B4GALNT2: variants seen among roughly 807,000 people sequenced by gnomAD.
B4GALNT2 encodes the protein beta-1,4-N-acetyl-galactosaminyltransferase 2 (SID blood group).
B4GALNT2 carries 42 observed loss-of-function variants against 51.1 expected under a neutral mutation model. That is an observed-to-expected ratio of 0.82 (90% CI 0.64 to 1.06). The LOEUF (loss-of-function observed/expected upper bound fraction) is 1.06. Ranked by LOEUF, B4GALNT2 falls within the 50% of genes least tolerant of loss-of-function variation. The pLI, the probability that B4GALNT2 is intolerant of heterozygous loss-of-function variation, is 0.00. For missense variants in B4GALNT2, 602 were observed against 633.6 expected (o/e 0.95, Z 0.54); for synonymous variants, 253 against 251.7 (o/e 1.01, Z -0.05).
At chr17:49,166,040 A>T in intron 8 of B4GALNT2, 74 bp from the exon 9 acceptor site, 1 of 1,512,346 alleles carries the variant, frequency 6.6e-7, no homozygotes, top group Non-Finnish European at 9.0e-7. Context: ...GGCTGTTGGG[A>T]ATTTAGAAAG....
Position 49,166,111 on chromosome 17 carries a change from C to A in B4GALNT2, c.955-3C>A. ...CACTCCTTTAACCTCATTTCATCTA[C>A]AGGGTTGGTTTGCTGGTAGGAACCT... On this transcript the variant is annotated splice_polypyrimidine_tract_variant and splice_region_variant and intron_variant, in intron 8 of 10. Transcript: ENST00000393354. The A allele has an allele frequency of 6.2e-7, 1 of 1,613,562 alleles. No individual in the cohort carries two copies. Among genetic ancestry groups the A allele is most frequent in the Non-Finnish European group, 8.5e-7 (1 of 1,179,688 alleles).
chr17:49,174,594 AT>A lies in B4GALNT2; in HGVS notation c.*4872del, dbSNP rs534947325. 3.8e-4 allele frequency: 58 copies of A among 152,224 alleles called. No individual in the cohort carries two copies. The highest frequency in any genetic ancestry group is 1.2e-3 in the African/African-American group (49 of 41,540). The allele number at this position is 152,224 out of a possible 1,614,324, so 9.4% of individuals were successfully genotyped here. On this transcript the variant is annotated 3_prime_UTR_variant, in exon 11 of 11. Coordinates refer to ENST00000393354, the MANE Select transcript of B4GALNT2 (RefSeq NM_001159387.2). ...TCAGTTAACAGTCTCCATGTACCTG[AT>A]TTTTTCTTAATTATAAAAACTGGAG...
Position 49,142,173 on chromosome 17 carries a change from G to T in B4GALNT2, c.353+1G>T. The T allele has an allele frequency of 6.2e-7, 1 of 1,614,010 alleles. No homozygotes were observed. The highest frequency in any genetic ancestry group is 8.5e-7 in the Non-Finnish European group (1 of 1,180,004). On this transcript the variant is annotated splice_donor_variant, in intron 3 of 10. Coordinates refer to ENST00000393354, the MANE Select transcript of B4GALNT2 (RefSeq NM_001159387.2). LOFTEE classifies it high-confidence loss of function. ...CTGAATTTGAACACTTTCAGAGGAGGTAATGCGGGTCATGAAGGCCCTTGG... is the reference window on the plus strand; with the variant it reads ...CTGAATTTGAACACTTTCAGAGGAGTTAATGCGGGTCATGAAGGCCCTTGG...
At chr17:49,164,300 C>T (rs773022956) in intron 8 of B4GALNT2, 25 bp downstream of exon 8, 14 of 1,589,778 alleles carry the variant, frequency 8.8e-6, no homozygotes, top group Non-Finnish European at 1.2e-5. Context: ...GATTGGGTGG[C>T]ACCTGCATTC....
At chr17:49,143,833 C>G (rs563031645) in intron 3 of B4GALNT2, among the ~76,000 whole-genome samples, 46 of 132,376 alleles carry the variant, frequency 3.5e-4, no homozygotes, top group Non-Finnish European at 5.9e-4. Context: ...GCTGAGGTCT[C>G]TCTTCCTCTT....
chr17:49,135,504 C>T (rs901960818), intron 1 of B4GALNT2, among the ~76,000 whole-genome samples: 7 of 151,986 alleles, frequency 4.6e-5, no homozygotes, highest in Non-Finnish European at 8.8e-5. Context: ...ATGATCCACC[C>T]GCCTCGGCCT....
chr17:49,142,678 T>A (rs1050774185), intron 3 of B4GALNT2, among the ~76,000 whole-genome samples: 3 of 151,404 alleles, frequency 2.0e-5, no homozygotes. Context: ...GGCAACAGAT[T>A]GAAACTGTGT....
At chr17:49,121,732 G>T in the B4GALNT2 span, among the ~76,000 whole-genome samples, 1 of 152,170 alleles carries the variant, frequency 6.6e-6, no homozygotes, top group Non-Finnish European at 1.5e-5. Flanking sequence ...CAGTGAAAAA[G>T]CCTGGGGTCA....
chr17:49,148,527 A>G (rs2042719359), intron 3 of B4GALNT2: 2 of 361,498 alleles, frequency 5.5e-6, no homozygotes, highest in Non-Finnish European at 1.1e-5. Flanking sequence ...GCTGTGGCAT[A>G]AGGTGGCAAG....
chr17:49,166,331 T>C, intron 9 of B4GALNT2, 77 bp downstream of exon 9: 3 of 665,852 alleles, frequency 4.5e-6, no homozygotes, highest in Non-Finnish European at 5.8e-6. Flanking sequence ...CGGGAAGAAA[T>C]ATATAAGAGA....
At chr17:49,151,884 G>A (rs1043173533) in intron 3 of B4GALNT2, among the ~76,000 whole-genome samples, 3 of 152,060 alleles carry the variant, frequency 2.0e-5, no homozygotes, top group Non-Finnish European at 4.4e-5. Context: ...TCAGCGGTAG[G>A]AGAAGTTCCA....
At chr17:49,132,887 A>C in intron 1 of B4GALNT2, 81 bp downstream of exon 1, 2 of 1,376,094 alleles carry the variant, frequency 1.5e-6, no homozygotes, top group East Asian at 3.1e-5. Context: ...TGGCGTCTGC[A>C]GAGCGGGCAG....
At chr17:49,130,823 A>T (rs1004402966), upstream of B4GALNT2, among the ~76,000 whole-genome samples, 1 of 152,150 alleles carries the variant, frequency 6.6e-6, no homozygotes, top group Non-Finnish European at 1.5e-5. Context: ...ATAGAGATCT[A>T]CCTGCCTTGT....
At chr17:49,133,560 A>T (rs916014099) in intron 1 of B4GALNT2, among the ~76,000 whole-genome samples, 1 of 152,214 alleles carries the variant, frequency 6.6e-6, no homozygotes, top group Non-Finnish European at 1.5e-5. Flanking sequence ...ATTGACAAAG[A>T]AGTCATCTCA....
At chr17:49,120,425 G>GTTTT in the B4GALNT2 span, among the ~76,000 whole-genome samples, 1 of 152,084 alleles carries the variant, frequency 6.6e-6, no homozygotes, top group African/African-American at 2.4e-5. Flanking sequence ...AGGCGGAAGG[G>GTTTT]TAAAAGAGAA....
chr17:49,133,433 A>G (rs1258492600), intron 1 of B4GALNT2, among the ~76,000 whole-genome samples: 1 of 152,210 alleles, frequency 6.6e-6, no homozygotes, highest in Non-Finnish European at 1.5e-5. Flanking sequence ...AGTACATTTG[A>G]AAGTCTAAAT....
chr17:49,152,993 A>G, intron 4 of B4GALNT2, 87 bp downstream of exon 4: 4 of 1,203,936 alleles, frequency 3.3e-6, no homozygotes, highest in African/African-American at 1.5e-5. Context: ...GCAGTGGCTC[A>G]TGCCTGTAAT....
Position 49,173,735 on chromosome 17 carries a change from G to A in B4GALNT2, c.*4007G>A, listed in dbSNP as rs752434205. The stretch of plus-strand genomic sequence containing the variant: ...TGATCCAAATAAGGAGTTAGAGTCC[G>A]TGAATTAGTATGTGGAAGAAAAAGC... On this transcript the variant is annotated 3_prime_UTR_variant, in exon 11 of 11. Transcript: ENST00000393354. 1.3e-5 allele frequency: 2 copies of A among 152,104 alleles called. No homozygotes were observed. The highest frequency in any genetic ancestry group is 6.6e-5 in the Admixed American group (1 of 15,264). The allele number at this position is 152,104 out of a possible 1,614,324, so 9.4% of individuals were successfully genotyped here.
chr17:49,166,708 T>C (rs2042914750), intron 9 of B4GALNT2, among the ~76,000 whole-genome samples: 1 of 152,184 alleles, frequency 6.6e-6, no homozygotes, highest in Non-Finnish European at 1.5e-5. Flanking sequence ...GGCTTACACC[T>C]GTAGTCCCAG....
Sources: allele counts gnomAD v4.1 joint callset (sites outside exome capture counted in the v4.1 genomes callset), GRCh38; gene constraint gnomAD v4.1.1; transcripts MANE v1.5; gene names NCBI Gene and HGNC (gene_info 2026-07-23, HGNC 2026-07-21).